LINS1: variants seen among roughly 807,000 people sequenced by gnomAD.
LINS1 encodes protein Lines homolog 1.
A neutral mutation model predicts 41.6 loss-of-function variants in LINS1; 27 were observed. The observed-to-expected ratio is 0.65, with a 90% CI of 0.48 to 0.89. LINS1 has a LOEUF of 0.89. Ranked by LOEUF, LINS1 falls within the 40% of genes least tolerant of loss-of-function variation. The pLI, the probability that LINS1 is intolerant of heterozygous loss-of-function variation, is 0.00. For missense variants in LINS1, 955 were observed against 884.1 expected, an observed-to-expected ratio of 1.08 and a Z score of -1.02; for synonymous variants, 336 against 312.9, an observed-to-expected ratio of 1.07 and a Z score of -0.78.
At chr15:100,587,728 A>G (rs2038872148) in intron 1 of LINS1, among the ~76,000 whole-genome samples, 1 of 152,202 alleles carries the variant, frequency 6.6e-6, no homozygotes, top group Non-Finnish European at 1.5e-5. Context: ...GAATTAATGG[A>G]GCACACCAGC....
intron 3 of LINS1, 36 bp from the exon 4 acceptor site, chr15:100,575,164 C>T (rs778238170): frequency 3.2e-6 from 5 of 1,572,900 alleles, no homozygotes; most frequent in Non-Finnish European, 4.3e-6. Context: ...AGTTAAAATA[C>T]AATATTTTCT....
chr15:100,576,374 C>T (rs1398118471), intron 3 of LINS1, among the ~76,000 whole-genome samples: 2 of 152,118 alleles, frequency 1.3e-5, no homozygotes, highest in African/African-American at 2.4e-5. Flanking sequence ...ATACAAACTA[C>T]CATCAGAGAA....
At chr15:100,585,662 G>A (rs564331105) in intron 1 of LINS1, among the ~76,000 whole-genome samples, 12 of 152,286 alleles carry the variant, frequency 7.9e-5, no homozygotes, top group South Asian at 4.1e-4. Context: ...ATCTTCGTTC[G>A]TGTATGTGTA....
rs1417555014 is a variant in LINS1, at chr15:100,567,349, T to A, written c.*1889A>T. 1 of 152,220 alleles carries A rather than the reference T, an allele frequency of 6.6e-6. No individual in the cohort carries two copies. Among genetic ancestry groups the A allele is most frequent in the African/African-American group, 2.4e-5 (1 of 41,452 alleles). 9.4% of individuals were successfully genotyped at this position (152,220 alleles called of 1,614,324 possible). ...ACATCCTAATGCAGTGCTGCATGTATCCCACTAAAAATAGTACAAAAAGAT... is the reference window on the plus strand; with the variant it reads ...ACATCCTAATGCAGTGCTGCATGTAACCCACTAAAAATAGTACAAAAAGAT... On this transcript the variant is annotated 3_prime_UTR_variant, in exon 7 of 7. Transcript: ENST00000314742.
Position 100,568,890 on chromosome 15 carries a change from C to T in LINS1, c.*348G>A, listed in dbSNP as rs757153321. ...CTGTAATCCCAGCACTTCGGGAGGG[C>T]GGACAGGCGGATCACTTGAGGTCAG... On this transcript the variant is annotated 3_prime_UTR_variant, in exon 7 of 7. Coordinates refer to ENST00000314742, the MANE Select transcript of LINS1 (RefSeq NM_001040616.3). 1.9e-5 allele frequency: 4 copies of T among 208,760 alleles called. No individual in the cohort carries two copies. Among genetic ancestry groups the T allele is most frequent in the Non-Finnish European group, 3.9e-5 (4 of 102,718 alleles). 12.9% of individuals were successfully genotyped at this position (208,760 alleles called of 1,614,324 possible). A position where few individuals can be genotyped will look rare whatever the true frequency, so the allele number is the denominator to read the frequency against.
At chr15:100,570,277 A>T (rs958793895) in intron 6 of LINS1, 160 bp from the exon 7 acceptor site, 1 of 555,658 alleles carries the variant, frequency 1.8e-6, no homozygotes, top group Non-Finnish European at 3.0e-6. Flanking sequence ...TCCCTTCCCC[A>T]TAAGCTCTAA....
rs565427906 is a variant in LINS1 at position 100,569,940 on chromosome 15, A to G, written c.1572T>C (p.Phe524=). 6.3e-7 allele frequency: 1 copy of G among 1,593,664 alleles called. No homozygotes were observed. Among genetic ancestry groups the G allele is most frequent in the Admixed American group, 1.7e-5 (1 of 57,652 alleles). Residue 524 remains phenylalanine (F), a synonymous_variant, in exon 7 of 7, where the codon TTT becomes TTC. Transcript: ENST00000314742. ...TTTGCAGTAATTTTAAATATCTAAC[A>G]AAATATTCAAGAAAACAGGTTTCTG... is the stretch of plus-strand genomic sequence containing the variant. The part of the protein sequence containing the change: ...ISSETCFLEY[F]VRYLKLLQKD...
At chr15:100,572,109 A>C (rs778295405) in intron 5 of LINS1, 44 bp from the exon 6 acceptor site, 1 of 1,608,956 alleles carries the variant, frequency 6.2e-7, no homozygotes, top group East Asian at 2.2e-5. Flanking sequence ...TAGTTTATGA[A>C]TGAATGAATA....
intron 1 of LINS1, among the ~76,000 whole-genome samples, chr15:100,584,758 G>A (rs1211197830): frequency 6.6e-6 from 1 of 152,130 alleles, no homozygotes; most frequent in East Asian, 1.9e-4. Context: ...TCTACCTGGG[G>A]ATACCATCAG....
chr15:100,579,693 G>A (rs201480318), intron 3 of LINS1, among the ~76,000 whole-genome samples: 2 of 57,988 alleles, frequency 3.4e-5, no homozygotes. Context: ...AGAGATAAGA[G>A]AAAAACTCAA....
At chr15:100,597,049 G>C (rs150135349) in intron 1 of LINS1, 1 of 152,188 alleles carries the variant, frequency 6.6e-6, no homozygotes, top group Admixed American at 6.5e-5. Flanking sequence ...GCCTGTCTGC[G>C]TAGCGAGCCC....
intron 4 of LINS1, 84 bp from the exon 5 acceptor site, chr15:100,574,325 T>A: frequency 1.1e-6 from 1 of 912,878 alleles, no homozygotes; most frequent in Non-Finnish European, 1.7e-6. Flanking sequence ...TAAATATCAC[T>A]TTTTAAGATG....
At chr15:100,574,286 C>T in intron 4 of LINS1, 45 bp from the exon 5 acceptor site, 5 of 1,235,492 alleles carry the variant, frequency 4.0e-6, no homozygotes, top group Non-Finnish European at 3.5e-6. Flanking sequence ...AAACAGTCTT[C>T]TTCAAACAAT....
intron 1 of LINS1, among the ~76,000 whole-genome samples, chr15:100,598,645 G>A (rs1252408461): frequency 6.6e-6 from 1 of 152,112 alleles, no homozygotes; most frequent in Non-Finnish European, 1.5e-5. Flanking sequence ...CCTTTCTTTC[G>A]GCGTTCTTTT....
chr15:100,601,974 C>G (rs746552657), intron 1 of LINS1, 147 bp downstream of exon 1: 3 of 152,240 alleles, frequency 2.0e-5, no homozygotes, highest in Admixed American at 6.5e-5. Context: ...CTGACAAGCG[C>G]TGAACAGGGG....
At chr15:100,582,727 C>T (rs1468182327) in intron 1 of LINS1, among the ~76,000 whole-genome samples, 6 of 148,652 alleles carry the variant, frequency 4.0e-5, no homozygotes, top group African/African-American at 1.3e-4. Flanking sequence ...TAGTCTTGGT[C>T]TTATACTGGG....
At chr15:100,600,551 C>CAAAAATAAAAAAAAAAAAA (rs2039437050) in intron 1 of LINS1, among the ~76,000 whole-genome samples, 1 of 79,674 alleles carries the variant, frequency 1.3e-5, no homozygotes, top group Non-Finnish European at 2.2e-5. Context: ...TGCTGTTAAG[C>CAAAAATAAAAAAAAAAAAA]AAAAAAAAAA....
chr15:100,601,163 C>G (rs2039474627), intron 1 of LINS1, among the ~76,000 whole-genome samples: 1 of 152,218 alleles, frequency 6.6e-6, no homozygotes, highest in South Asian at 2.1e-4. Flanking sequence ...GCTCAAATGT[C>G]ACTTCCTCAG....
intron 1 of LINS1, among the ~76,000 whole-genome samples, chr15:100,601,421 G>T (rs956032060): frequency 5.3e-5 from 8 of 152,012 alleles, no homozygotes; most frequent in Non-Finnish European, 1.2e-4. Flanking sequence ...TCCATGAATA[G>T]ATCAATCCAC....
Sources: allele counts gnomAD v4.1 joint callset (sites outside exome capture counted in the v4.1 genomes callset), GRCh38; gene constraint gnomAD v4.1.1; transcripts MANE v1.5; gene names NCBI Gene and HGNC (gene_info 2026-07-23, HGNC 2026-07-21).